The following NCAM2 variants were observed in gnomAD, a reference collection of about 807,000 sequenced individuals.
The protein encoded by NCAM2 is neural cell adhesion molecule 2.
NCAM2 carries 30 observed loss-of-function variants against 98.1 expected under a neutral mutation model. The observed-to-expected ratio is 0.31, with a 90% CI of 0.23 to 0.41. NCAM2 has a LOEUF of 0.41. NCAM2 is among the 10% of genes least tolerant of loss of function. NCAM2 has a pLI of 1.00. For missense variants in NCAM2, 867 were observed against 1,005.8 expected, an observed-to-expected ratio of 0.86 and a Z score of 1.87; for synonymous variants, 368 against 342.4, an observed-to-expected ratio of 1.07 and a Z score of -0.83.
At chr21:21,131,779 A>C (rs1170032911) in intron 1 of NCAM2, among the ~76,000 whole-genome samples, 1 of 152,174 alleles carries the variant, frequency 6.6e-6, no homozygotes, top group Non-Finnish European at 1.5e-5. Context: ...TATTTTATTC[A>C]AAAGGTTTTA....
At chr21:21,167,118 T>A (rs1304836623) in intron 1 of NCAM2, among the ~76,000 whole-genome samples, 1 of 152,130 alleles carries the variant, frequency 6.6e-6, no homozygotes, top group Non-Finnish European at 1.5e-5. Flanking sequence ...TTTTTAGTTG[T>A]GTTTTGGGGG....
intron 1 of NCAM2, among the ~76,000 whole-genome samples, chr21:21,020,236 G>T (rs541508205): frequency 1.3e-5 from 2 of 151,868 alleles, no homozygotes; most frequent in Non-Finnish European, 2.9e-5. Flanking sequence ...GGGTTTCACC[G>T]TGTTGGCCAG....
At chr21:21,176,345 G>T (rs555189691) in intron 1 of NCAM2, among the ~76,000 whole-genome samples, 1 of 152,176 alleles carries the variant, frequency 6.6e-6, no homozygotes, top group African/African-American at 2.4e-5. Context: ...TAAATACTGA[G>T]AAATGAGAGT....
intron 5 of NCAM2, among the ~76,000 whole-genome samples, chr21:21,313,383 G>A (rs1020056284): frequency 6.6e-6 from 1 of 151,712 alleles, no homozygotes; most frequent in Admixed American, 6.6e-5. Flanking sequence ...ACTTTTTCAA[G>A]TTGAATGCAC....
At chr21:21,192,281 C>T (rs1464027080) in intron 1 of NCAM2, among the ~76,000 whole-genome samples, 1 of 151,478 alleles carries the variant, frequency 6.6e-6, no homozygotes, top group Non-Finnish European at 1.5e-5. Context: ...GGAGAAGAAG[C>T]AAATGAGAGT....
chr21:21,213,905 T>A (rs1468985916), intron 1 of NCAM2, among the ~76,000 whole-genome samples: 1 of 152,118 alleles, frequency 6.6e-6, no homozygotes, highest in Non-Finnish European at 1.5e-5. Context: ...TCATAGACCT[T>A]TTGATCAACT....
chr21:21,537,668 A>T (rs961654153), intron 17 of NCAM2, among the ~76,000 whole-genome samples, 178 bp from the exon 18 acceptor site: 2 of 152,030 alleles, frequency 1.3e-5, no homozygotes, highest in African/African-American at 4.8e-5. Context: ...AATAAATTTA[A>T]TTTTTCCTTT....
At chr21:21,389,112 G>A (rs780025331) in intron 9 of NCAM2, among the ~76,000 whole-genome samples, 3 of 152,144 alleles carry the variant, frequency 2.0e-5, no homozygotes, top group African/African-American at 2.4e-5. Context: ...AAGGCATACC[G>A]TAGACTGGTC....
intron 1 of NCAM2, among the ~76,000 whole-genome samples, chr21:21,002,770 T>A (rs967849817): frequency 6.6e-6 from 1 of 152,152 alleles, no homozygotes; most frequent in Non-Finnish European, 1.5e-5. Flanking sequence ...ATGTGCAAAA[T>A]TAATTTAATA....
intron 9 of NCAM2, among the ~76,000 whole-genome samples, chr21:21,377,714 C>A (rs985301524): frequency 1.1e-4 from 16 of 151,860 alleles, no homozygotes; most frequent in African/African-American, 3.6e-4. Flanking sequence ...AAAATTTACT[C>A]TTAGTTACTT....
At chr21:21,008,996 C>T (rs191495138) in intron 1 of NCAM2, among the ~76,000 whole-genome samples, 1 of 152,240 alleles carries the variant, frequency 6.6e-6, no homozygotes, top group East Asian at 1.9e-4. Flanking sequence ...ACTTACGGTA[C>T]TTTACTGTGA....
chr21:21,113,022 A>G (rs1260226496), intron 1 of NCAM2, among the ~76,000 whole-genome samples: 1 of 152,148 alleles, frequency 6.6e-6, no homozygotes, highest in Non-Finnish European at 1.5e-5. Flanking sequence ...AGGTGTTAGC[A>G]TTAAGTTCTC....
intron 12 of NCAM2, among the ~76,000 whole-genome samples, chr21:21,437,205 G>A (rs370172473): frequency 9.2e-5 from 14 of 152,142 alleles, no homozygotes; most frequent in African/African-American, 2.4e-4. Context: ...GTGGTATGCC[G>A]GGAGTTGTCG....
At chr21:21,434,596 T>C (rs1044768325) in intron 12 of NCAM2, among the ~76,000 whole-genome samples, 8 of 152,194 alleles carry the variant, frequency 5.3e-5, no homozygotes, top group African/African-American at 1.9e-4. Flanking sequence ...CATTAAGCTC[T>C]TCTTTTTGAT....
chr21:21,156,172 T>C (rs1249838337), intron 1 of NCAM2, among the ~76,000 whole-genome samples: 1 of 152,064 alleles, frequency 6.6e-6, no homozygotes, highest in East Asian at 1.9e-4. Context: ...GACTTGCTAC[T>C]GTAGCATGCT....
At position 21,069,584 on chromosome 21, in the gene NCAM2, C is replaced by T. The variant is rs965928474; in HGVS notation, c.55+70966C>T. On this transcript the variant is annotated intron_variant, in intron 1 of 17. Coordinates refer to ENST00000400546, the MANE Select transcript of NCAM2 (RefSeq NM_004540.5). ...ACTGTGTACCCACTCAAACACTTTT[C>T]GACCTACCCTTCCTTTAAAAGATGT... Among the ~76,000 whole-genome samples, 7 of 152,176 alleles carry T rather than the reference C, an allele frequency of 4.6e-5. 1 individual carries two copies. The highest frequency in any genetic ancestry group is 2.9e-5 in the Non-Finnish European group (2 of 68,020).
chr21:21,499,866 G>A (rs1987512369), intron 15 of NCAM2, among the ~76,000 whole-genome samples: 1 of 152,016 alleles, frequency 6.6e-6, no homozygotes, highest in Non-Finnish European at 1.5e-5. Context: ...ATTTCCAATT[G>A]TATTATATGG....
intron 1 of NCAM2, among the ~76,000 whole-genome samples, chr21:21,099,875 T>G (rs748337708): frequency 5.1e-4 from 77 of 151,620 alleles, no homozygotes; most frequent in Admixed American, 2.8e-3. Flanking sequence ...TGACCGTACC[T>G]TACTCATGAC....
intron 14 of NCAM2, among the ~76,000 whole-genome samples, chr21:21,474,501 A>G (rs1160398645): frequency 6.6e-6 from 1 of 151,308 alleles, no homozygotes; most frequent in Admixed American, 6.6e-5. Flanking sequence ...TCTAAAGAAT[A>G]CTTTTTTTTT....
Sources: allele counts gnomAD v4.1 joint callset (sites outside exome capture counted in the v4.1 genomes callset), GRCh38; gene constraint gnomAD v4.1.1; transcripts MANE v1.5; gene names NCBI Gene and HGNC (gene_info 2026-07-23, HGNC 2026-07-21).